The following DEPDC5 variants were observed in gnomAD, a reference collection of about 807,000 sequenced individuals.
DEPDC5 encodes GATOR1 complex protein DEPDC5.
In DEPDC5, 73 loss-of-function variants were observed where a neutral mutation model predicts 217.3. The ratio of observed to expected loss-of-function variants is 0.34; its 90% CI spans 0.28 to 0.41. DEPDC5 has a LOEUF of 0.41. Among genes scored for constraint, DEPDC5 ranks in the 10% least tolerant of loss-of-function variants. DEPDC5 has a pLI of 1.00. For missense variants in DEPDC5, 1,675 were observed against 2,070.1 expected, an observed-to-expected ratio of 0.81 and a Z score of 3.70; for synonymous variants, 733 against 756.7, an observed-to-expected ratio of 0.97 and a Z score of 0.51.
chr22:31,878,670 A>G (rs2093073141), intron 37 of DEPDC5, among the ~76,000 whole-genome samples: 2 of 152,020 alleles, frequency 1.3e-5, no homozygotes, highest in African/African-American at 4.8e-5. Context: ...CCATGGTTGT[A>G]CCACTGCACT....
chr22:31,838,708 T>C lies in DEPDC5; in HGVS notation c.2378T>C (p.Met793Thr). 1 of 1,614,154 alleles carries C rather than the reference T, an allele frequency of 6.2e-7. No individual in the cohort carries two copies. Among genetic ancestry groups the C allele is most frequent in the Non-Finnish European group, 8.5e-7 (1 of 1,180,030 alleles). ...AGGAGGGACGAAGATGGTGTGCAGA[T>C]GACAGCCCAGCAGGTATTTGAAGAG... ...IDRRDEDGVQMTAQQVFEEFI... is the reference protein window; with the variant it reads ...IDRRDEDGVQTTAQQVFEEFI... Residue 793 changes from methionine (M) to threonine (T), a missense_variant, in exon 27 of 43, where the codon ATG (methionine) becomes ACG (threonine). Met to Thr is a moderately conservative substitution (Grantham distance 81). Around this residue, in one of 11 missense-constraint regions of DEPDC5, gnomAD observed 293 missense variants for 386.1 expected, o/e 0.76. Coordinates refer to ENST00000651528, the MANE Select transcript of DEPDC5 (RefSeq NM_001242896.3).
At chr22:31,791,645 A>G (rs2085650103) in intron 10 of DEPDC5, among the ~76,000 whole-genome samples, 1 of 144,192 alleles carries the variant, frequency 6.9e-6, no homozygotes, top group African/African-American at 2.6e-5. Context: ...AAAAAAAAAA[A>G]GGGCTGGGCA....
rs1213359682 is a variant in DEPDC5 at position 31,772,162 on chromosome 22, G to A, written c.413+3299G>A. 2.0e-5 allele frequency among the ~76,000 whole-genome samples: 3 copies of A among 152,128 alleles called. No homozygotes were observed. In the East Asian group the frequency reaches 5.8e-4, roughly 29 times the overall value. On this transcript the variant is annotated intron_variant, in intron 7 of 42. Coordinates refer to ENST00000651528, the MANE Select transcript of DEPDC5 (RefSeq NM_001242896.3). ...TTGGAGGAGCACTGAAGCACAGGTC[G>A]ATGCTGCAGTGAGCTATTATTGCAT... is the stretch of plus-strand genomic sequence containing the variant.
At chr22:31,886,127 T>A (rs1270888422) in intron 38 of DEPDC5, among the ~76,000 whole-genome samples, 5 of 151,950 alleles carry the variant, frequency 3.3e-5, no homozygotes, top group Non-Finnish European at 7.4e-5. Context: ...GCTCAAGCAG[T>A]CTTTCCACCT....
intron 33 of DEPDC5, 147 bp from the exon 34 acceptor site, chr22:31,870,443 G>A (rs998328440): frequency 2.3e-6 from 2 of 880,772 alleles, no homozygotes; most frequent in Admixed American, 4.1e-5. Flanking sequence ...AAGGGGTAGT[G>A]GGAATGAGCA....
At chr22:31,778,640 G>T (rs1601760278) in intron 8 of DEPDC5, among the ~76,000 whole-genome samples, 1 of 152,166 alleles carries the variant, frequency 6.6e-6, no homozygotes, top group African/African-American at 2.4e-5. Context: ...GAAGGGGTCT[G>T]TTTAATGTCA....
chr22:31,856,885 T>G (rs2092324908), intron 31 of DEPDC5, among the ~76,000 whole-genome samples: 1 of 152,164 alleles, frequency 6.6e-6, no homozygotes, highest in South Asian at 2.1e-4. Flanking sequence ...TTCTCGTGCC[T>G]TAGCCTCCCG....
chr22:31,893,837 AT>A (rs2093491536), intron 39 of DEPDC5, 86 bp downstream of exon 39: 17 of 1,373,932 alleles, frequency 1.2e-5, no homozygotes, highest in Non-Finnish European at 1.6e-5. Flanking sequence ...TGTCACTTTA[AT>A]TTTTTAGTTC....
At chr22:31,901,706 A>G in intron 40 of DEPDC5, 36 bp from the exon 41 acceptor site, 1 of 1,579,702 alleles carries the variant, frequency 6.3e-7, no homozygotes, top group South Asian at 1.1e-5. Flanking sequence ...AAACCTTGTG[A>G]TCACAACCCA....
intron 15 of DEPDC5, among the ~76,000 whole-genome samples, chr22:31,803,451 A>G (rs2148641530): frequency 6.6e-6 from 1 of 152,004 alleles, no homozygotes; most frequent in Non-Finnish European, 1.5e-5. Flanking sequence ...TGACCTTGTG[A>G]TCCGCCCGTC....
rs8138516 is a variant in DEPDC5 at position 31,815,018 on chromosome 22, G to C, written c.1472G>C (p.Ser491Thr). ...CRSVRERESH[S>T]RKSASSCDVS... ...TCTGTGCGAGAGCGAGAGAGTCACAGTCGAAAGAGTGCCAGCTCCTGTGAT... is the reference window on the plus strand; with the variant it reads ...TCTGTGCGAGAGCGAGAGAGTCACACTCGAAAGAGTGCCAGCTCCTGTGAT... The change falls in exon 21 of 43, where the codon AGT becomes ACT. Residue 491 changes from serine (S) to threonine (T), a missense_variant. By Grantham distance (58) the Ser-to-Thr change is moderately conservative (BLOSUM62 1). Coordinates refer to ENST00000651528, the MANE Select transcript of DEPDC5 (RefSeq NM_001242896.3). 10,677 of 1,614,082 alleles carry C rather than the reference G, an allele frequency of 6.6e-3. 682 individuals are homozygous for C. In the African/African-American group the frequency reaches 0.13, roughly 19 times the overall value.
rs146411624 is a variant in DEPDC5 at position 31,836,111 on chromosome 22, A to G, written c.2171-861A>G. Among the ~76,000 whole-genome samples, 100 of 152,368 alleles carry G rather than the reference A, an allele frequency of 6.6e-4. 1 individual carries two copies. In the East Asian group the frequency reaches 0.017, roughly 26 times the overall value. On this transcript the variant is annotated intron_variant, in intron 25 of 42. Transcript: ENST00000651528. ...TATTATTTTAACTCAGTGAAGCTCAACCAGGGAGGATTTTCCTAACCAGGG... is the reference window on the plus strand; with the variant it reads ...TATTATTTTAACTCAGTGAAGCTCAGCCAGGGAGGATTTTCCTAACCAGGG...
chr22:31,870,584 C>T lies in DEPDC5; in HGVS notation c.3331-6C>T. On this transcript the variant is annotated splice_polypyrimidine_tract_variant and splice_region_variant and intron_variant, in intron 33 of 42. Coordinates refer to ENST00000651528, the MANE Select transcript of DEPDC5 (RefSeq NM_001242896.3). Reference sequence around the variant, plus strand: ...AATCAAGTATTCATTTTTAAATCTCCTGCAGGTATCTGTGGACCAAACAGC... The same window carrying T: ...AATCAAGTATTCATTTTTAAATCTCTTGCAGGTATCTGTGGACCAAACAGC... The T allele has an allele frequency of 6.6e-7, 1 of 1,510,344 alleles. No homozygotes were observed. The highest frequency in any genetic ancestry group is 1.3e-5 in the South Asian group (1 of 75,790). The allele number at this position is 1,510,344 out of a possible 1,614,324, so 93.6% of individuals were successfully genotyped here.
chr22:31,780,682 T>G (rs2084337722), intron 8 of DEPDC5, among the ~76,000 whole-genome samples: 1 of 152,178 alleles, frequency 6.6e-6, no homozygotes, highest in African/African-American at 2.4e-5. Flanking sequence ...TGGAGAGCCT[T>G]CCTGGTCCAC....
chr22:31,817,744 C>T (rs1027415102), intron 21 of DEPDC5, among the ~76,000 whole-genome samples: 10 of 152,138 alleles, frequency 6.6e-5, no homozygotes, highest in African/African-American at 2.4e-4. Flanking sequence ...ACCTTGGTCT[C>T]CCAAAGTGCT....
At chr22:31,808,108 AT>A (rs983940957) in intron 18 of DEPDC5, among the ~76,000 whole-genome samples, 5 of 149,228 alleles carry the variant, frequency 3.4e-5, no homozygotes, top group African/African-American at 4.9e-5. Context: ...TGATTATTTT[AT>A]TTTTTTTTTG....
rs745799678 is a variant in DEPDC5 at position 31,870,586 on chromosome 22, G to A, written c.3331-4G>A. 6.6e-7 allele frequency: 1 copy of A among 1,512,812 alleles called. No individual in the cohort carries two copies. The highest frequency in any genetic ancestry group is 1.3e-5 in the South Asian group (1 of 76,232). The allele number at this position is 1,512,812 out of a possible 1,614,324, so 93.7% of individuals were successfully genotyped here. On this transcript the variant is annotated splice_polypyrimidine_tract_variant and splice_region_variant and intron_variant, in intron 33 of 42. Coordinates refer to ENST00000651528, the MANE Select transcript of DEPDC5 (RefSeq NM_001242896.3). ...TCAAGTATTCATTTTTAAATCTCCT[G>A]CAGGTATCTGTGGACCAAACAGCCA...
At chr22:31,846,789 A>T (rs1333952750) in intron 30 of DEPDC5, 45 bp from the exon 31 acceptor site, 3 of 1,613,524 alleles carry the variant, frequency 1.9e-6, no homozygotes, top group Non-Finnish European at 2.5e-6. Context: ...GCTTCCACTG[A>T]GAGCCCACTT....
rs757645198 is a variant in DEPDC5 at position 31,879,732 on chromosome 22, G to A, written c.4013G>A (p.Ser1338Asn). 7 of 1,613,960 alleles carry A rather than the reference G, an allele frequency of 4.3e-6. No homozygotes were observed. Among genetic ancestry groups the A allele is most frequent in the Non-Finnish European group, 5.9e-6 (7 of 1,179,990 alleles). The part of the protein sequence containing the change: ...SSFSRSFGGR[S>N]QAAALLAATV... ...TTTAGCCGAAGTTTTGGAGGACGGAGCCAGGCGGCAGCACTTTTAGGTACA... is the reference window on the plus strand; with the variant it reads ...TTTAGCCGAAGTTTTGGAGGACGGAACCAGGCGGCAGCACTTTTAGGTACA... Residue 1338 changes from serine to asparagine, a missense_variant, in exon 38 of 43, where the codon AGC becomes AAC. Physicochemically the swap from Ser to Asn is conservative, Grantham distance 46. Transcript: ENST00000651528.
Sources: gnomAD v4.1 joint callset for allele counts (sites outside exome capture counted in the v4.1 genomes callset) on GRCh38, gnomAD v4.1.1 for gene constraint, gnomAD v4.1.1 regional missense constraint, MANE v1.5 for transcripts, NCBI Gene and HGNC (gene_info 2026-07-23, HGNC 2026-07-21) for gene names.